The following USP3 variants were observed in gnomAD, a reference collection of about 807,000 sequenced individuals.
The protein encoded by USP3 is ubiquitin specific peptidase 3, also known as ubiquitin carboxyl-terminal hydrolase 3.
Under a neutral mutation model 72.3 loss-of-function variants are expected in USP3, and 20 were observed. The ratio of observed to expected loss-of-function variants is 0.28; its 90% CI spans 0.19 to 0.40. The LOEUF (loss-of-function observed/expected upper bound fraction) is 0.40, where lower values mean the gene tolerates loss of function less well. USP3 is among the 10% of genes least tolerant of loss of function. The probability of loss-of-function intolerance (pLI) is 1.00; values close to 1 mark genes in which losing one functional copy is unlikely to be tolerated. For missense variants in USP3, 479 were observed against 633.9 expected, an observed-to-expected ratio of 0.76 and a Z score of 2.62; for synonymous variants, 222 against 225.3, an observed-to-expected ratio of 0.99 and a Z score of 0.13.
At chr15:63,538,565 T>TTC (rs1331937831) in intron 3 of USP3, among the ~76,000 whole-genome samples, 1 of 151,476 alleles carries the variant, frequency 6.6e-6, no homozygotes, top group Non-Finnish European at 1.5e-5. Context: ...TTTTTTTTTT[T>TTC]TGAAACAGTC....
chr15:63,531,030 A>G (rs542934673), intron 1 of USP3, among the ~76,000 whole-genome samples: 39 of 152,356 alleles, frequency 2.6e-4, no homozygotes, highest in East Asian at 1.2e-3. Context: ...TACTGAATGT[A>G]AATATGCGAA....
chr15:63,568,330 G>A (rs896067640), intron 8 of USP3, among the ~76,000 whole-genome samples: 1 of 146,434 alleles, frequency 6.8e-6, no homozygotes, highest in African/African-American at 2.5e-5. Context: ...ACTCCAGCCT[G>A]ACGACAGAGC....
At position 63,553,491 on chromosome 15, in the gene USP3, TA is replaced by T; in HGVS notation, c.285-218del. 1 of 376,262 alleles carries T rather than the reference TA, an allele frequency of 2.7e-6. No homozygotes were observed. The highest frequency in any genetic ancestry group is 7.3e-5 in the South Asian group (1 of 13,682). 23.3% of individuals were successfully genotyped at this position (376,262 alleles called of 1,614,324 possible). A position where few individuals can be genotyped will look rare whatever the true frequency, so the allele number is the denominator to read the frequency against. On this transcript the variant is annotated intron_variant, in intron 3 of 14. Coordinates refer to ENST00000380324, the MANE Select transcript of USP3 (RefSeq NM_006537.4). This position sits in a 1 kb window ranked among gnomAD's most constrained non-coding sequence, Gnocchi z 4.2. The stretch of plus-strand genomic sequence containing the variant: ...AAGGAGGAATTGAAGAGCTTTTGAG[TA>T]AAAAACGTGAAAAGAAGCTCATGTT...
intron 1 of USP3, among the ~76,000 whole-genome samples, chr15:63,515,182 A>G (rs2065835556): frequency 6.6e-6 from 1 of 152,194 alleles, no homozygotes; most frequent in African/African-American, 2.4e-5. Flanking sequence ...GCCCAGTTCC[A>G]GTATTTAAAA....
intron 3 of USP3, among the ~76,000 whole-genome samples, chr15:63,540,621 C>T (rs1253477670): frequency 1.3e-5 from 2 of 152,140 alleles, no homozygotes; most frequent in African/African-American, 4.8e-5. Flanking sequence ...ATTTCCCTCC[C>T]AAGATGGACA....
At chr15:63,515,342 T>C (rs2065837418) in intron 1 of USP3, 1 of 152,260 alleles carries the variant, frequency 6.6e-6, no homozygotes, top group Non-Finnish European at 1.5e-5. Context: ...ACATTGTTTC[T>C]ATATGTTGTT....
intron 14 of USP3, among the ~76,000 whole-genome samples, chr15:63,589,294 A>G (rs569772024): frequency 6.6e-6 from 1 of 152,330 alleles, no homozygotes; most frequent in East Asian, 1.9e-4. Flanking sequence ...TCGTTTACCA[A>G]CTGAAATTTA....
rs2066762829 is a variant in USP3, at chr15:63,570,541, G to A, written c.870G>A (p.Gln290=). Residue 290 remains glutamine (Q), a synonymous_variant, in exon 9 of 15, where the codon CAG becomes CAA. Coordinates refer to ENST00000380324, the MANE Select transcript of USP3 (RefSeq NM_006537.4). This position sits in a 1 kb window ranked among gnomAD's most constrained non-coding sequence, Gnocchi z 4.4. ...FNGVSRSAIL[Q]ENSTLSASNK... ...GTGTTTCCCGCTCAGCAATTCTGCA[G>A]GAGAATTCTACTCTGTCTGCAAGTA... 1 of 1,614,022 alleles carries A rather than the reference G, an allele frequency of 6.2e-7. No homozygotes were observed. The highest frequency in any genetic ancestry group is 8.5e-7 in the Non-Finnish European group (1 of 1,180,008).
At chr15:63,507,641 CAAG>C in intron 1 of USP3, among the ~76,000 whole-genome samples, 1 of 152,262 alleles carries the variant, frequency 6.6e-6, no homozygotes, top group Admixed American at 6.5e-5. Context: ...AACAAGATTA[CAAG>C]AAGTAAGAAG....
At chr15:63,554,177 C>CA (rs1169864435) in intron 4 of USP3, among the ~76,000 whole-genome samples, 1 of 152,034 alleles carries the variant, frequency 6.6e-6, no homozygotes, top group Non-Finnish European at 1.5e-5. Context: ...ATTATGAGGT[C>CA]TACTAGGAAG....
intron 1 of USP3, among the ~76,000 whole-genome samples, chr15:63,511,919 T>C (rs1167000533): frequency 6.6e-6 from 1 of 152,012 alleles, no homozygotes; most frequent in Non-Finnish European, 1.5e-5. Context: ...TTATAGTCTT[T>C]AGACCATAAA....
At chr15:63,539,986 C>T (rs1024553476) in intron 3 of USP3, among the ~76,000 whole-genome samples, 3 of 152,086 alleles carry the variant, frequency 2.0e-5, no homozygotes, top group Non-Finnish European at 4.4e-5. Context: ...TCCTCGTGCC[C>T]GTTAGTAATT....
intron 11 of USP3, among the ~76,000 whole-genome samples, chr15:63,586,435 G>T (rs117267678): frequency 6.6e-6 from 1 of 152,036 alleles, no homozygotes; most frequent in Non-Finnish European, 1.5e-5. Flanking sequence ...TATGACCCCC[G>T]CTGTCCCCGC....
chr15:63,572,715 A>G lies in USP3; in HGVS notation c.909-1331A>G, dbSNP rs909306607. On this transcript the variant is annotated intron_variant, in intron 9 of 14. Transcript: ENST00000380324. ...TGTTTAGGAGTAATTGATTCAAGTG[A>G]CAGAAACTACCTTATATTGCTATTA... 3.0e-4 allele frequency among the ~76,000 whole-genome samples: 45 copies of G among 152,210 alleles called. 1 individual carries two copies. Among genetic ancestry groups the G allele is most frequent in the Non-Finnish European group, 2.9e-5 (2 of 68,034 alleles).
intron 2 of USP3, chr15:63,533,727 T>G (rs1595721030): frequency 2.0e-6 from 1 of 507,176 alleles, no homozygotes; most frequent in Admixed American, 4.0e-5. Flanking sequence ...ATTTTTTCCA[T>G]GTGCACTTAA....
In USP3 at chr15:63,567,383, G is replaced by T. The variant is rs1191474610; in HGVS notation, c.762-3050G>T. ...TTTTTTTGAGACGGAGTCTCGCTCT[G>T]TTGCCCGGGCTGGAGTGCAGTGGCA... On this transcript the variant is annotated intron_variant, in intron 8 of 14. Transcript: ENST00000380324. 2.4e-5 allele frequency among the ~76,000 whole-genome samples: 3 copies of T among 125,772 alleles called. No homozygotes were observed. The Admixed American group carries it at 3.1e-4, about 13-fold the overall frequency. The allele number at this position is 125,772 out of a possible 152,430, so 82.5% of individuals were successfully genotyped here.
intron 3 of USP3, among the ~76,000 whole-genome samples, chr15:63,538,566 T>G (rs2066194586): frequency 6.6e-6 from 1 of 150,752 alleles, no homozygotes; most frequent in Non-Finnish European, 1.5e-5. Flanking sequence ...TTTTTTTTTT[T>G]GAAACAGTCT....
chr15:63,590,058 GTATT>G (rs1309038040), intron 14 of USP3, among the ~76,000 whole-genome samples: 1 of 152,068 alleles, frequency 6.6e-6, no homozygotes, highest in Non-Finnish European at 1.5e-5. Context: ...GTTCTTCCCG[GTATT>G]TCTTTCCCCT....
At chr15:63,548,291 G>T (rs568968872) in intron 3 of USP3, among the ~76,000 whole-genome samples, 1 of 151,962 alleles carries the variant, frequency 6.6e-6, no homozygotes, top group African/African-American at 2.4e-5. Context: ...ACACCATCAT[G>T]CTTGGCTATT....
Sources: gnomAD v4.1 joint callset for allele counts (sites outside exome capture counted in the v4.1 genomes callset) on GRCh38, gnomAD v4.1.1 for gene constraint, Gnocchi (gnomAD v3.1) non-coding constraint, MANE v1.5 for transcripts, NCBI Gene and HGNC (gene_info 2026-07-23, HGNC 2026-07-21) for gene names.